PGM5: variants seen among roughly 807,000 people sequenced by gnomAD.
PGM5 encodes the protein phosphoglucomutase-like protein 5.
In PGM5, 23 loss-of-function variants were observed where a neutral mutation model predicts 59.2. The ratio of observed to expected loss-of-function variants is 0.39; its 90% confidence interval spans 0.28 to 0.55. The LOEUF is 0.55. PGM5 is among the 20% of genes least tolerant of loss of function. PGM5 has a pLI of 0.66. For synonymous variants in PGM5, 214 were observed against 286.0 expected (o/e 0.75, Z 2.54); for missense variants, 574 against 748.3 (o/e 0.77, Z 2.72).
intron 6 of PGM5, among the ~76,000 whole-genome samples, chr9:68,460,959 C>T (rs967664441): frequency 5.3e-5 from 8 of 152,122 alleles, no homozygotes; most frequent in Non-Finnish European, 1.0e-4. Context: ...ACGGAAGCTC[C>T]GCAGCAGGAA....
rs184082555 is a variant in PGM5 at position 68,452,692 on chromosome 9, C to T, written c.1044-12401C>T. Among the ~76,000 whole-genome samples, 204 of 152,330 alleles carry T rather than the reference C, an allele frequency of 1.3e-3. 2 individuals are homozygous for T. The highest frequency in any genetic ancestry group is 6.8e-3 in the Middle Eastern group (2 of 294). The stretch of plus-strand genomic sequence containing the variant: ...ACATGTCACTCAGATACCAAACAGA[C>T]GTACTGTCAGCCACATTCACTAGCC... On this transcript the variant is annotated intron_variant, in intron 6 of 10. Coordinates refer to ENST00000396396, the MANE Select transcript of PGM5 (RefSeq NM_021965.4).
chr9:68,478,999 T>C (rs1234725805), intron 7 of PGM5, among the ~76,000 whole-genome samples: 1 of 152,208 alleles, frequency 6.6e-6, no homozygotes, highest in Non-Finnish European at 1.5e-5. Flanking sequence ...TGTTCTCTTA[T>C]CTACTTTTCT....
At chr9:68,369,071 C>T (rs1264812040) in intron 1 of PGM5, among the ~76,000 whole-genome samples, 8 of 152,140 alleles carry the variant, frequency 5.3e-5, no homozygotes, top group Non-Finnish European at 8.8e-5. Context: ...AAACAATGGA[C>T]GACTATATCC....
intron 1 of PGM5, among the ~76,000 whole-genome samples, chr9:68,370,715 G>T (rs543958233): frequency 6.6e-6 from 1 of 152,370 alleles, no homozygotes; most frequent in African/African-American, 2.4e-5. Context: ...TTGGCACCTG[G>T]TATGCTCATT....
At chr9:68,515,287 T>C (rs906668374) in intron 10 of PGM5, among the ~76,000 whole-genome samples, 2 of 151,968 alleles carry the variant, frequency 1.3e-5, no homozygotes, top group African/African-American at 4.8e-5. Context: ...TGGGGAAGAG[T>C]CTCTCCTCGT....
rs182889946 is a variant in PGM5, at chr9:68,360,712, A to G, written c.261+3324A>G. Reference sequence around the variant, plus strand: ...GAACATAGATTGTAAACATTTTCCTATATTTGTGTCATGATTATTTTTTGC... The same window carrying G: ...GAACATAGATTGTAAACATTTTCCTGTATTTGTGTCATGATTATTTTTTGC... On this transcript the variant is annotated intron_variant, in intron 1 of 10. Coordinates refer to ENST00000396396, the MANE Select transcript of PGM5 (RefSeq NM_021965.4). Among the ~76,000 whole-genome samples the G allele has an allele frequency of 2.1e-3, 324 of 152,302 alleles. 2 individuals carry two copies. The highest frequency in any genetic ancestry group is 7.4e-3 in the African/African-American group (308 of 41,568).
intron 10 of PGM5, among the ~76,000 whole-genome samples, chr9:68,514,792 C>G (rs1258022343): frequency 6.6e-6 from 1 of 152,210 alleles, no homozygotes; most frequent in Non-Finnish European, 1.5e-5. Context: ...TGCCTGGCCT[C>G]TATTTCTTCC....
intron 3 of PGM5, among the ~76,000 whole-genome samples, chr9:68,385,618 A>G (rs1310762203): frequency 6.6e-6 from 1 of 151,998 alleles, no homozygotes; most frequent in East Asian, 1.9e-4. Flanking sequence ...GCATAGGCAT[A>G]TGTGTGCACA....
chr9:68,360,005 C>A (rs1254947907), intron 1 of PGM5, among the ~76,000 whole-genome samples: 9 of 152,166 alleles, frequency 5.9e-5, no homozygotes, highest in Admixed American at 3.9e-4. Context: ...CCACTATGCA[C>A]AGCTGATTTT....
chr9:68,487,461 CAT>C (rs1241141971), intron 9 of PGM5, among the ~76,000 whole-genome samples: 16 of 122,812 alleles, frequency 1.3e-4, no homozygotes, highest in Non-Finnish European at 2.2e-4. Context: ...GTCACACGCA[CAT>C]ACACACACAC....
At chr9:68,474,552 G>A (rs1177321558) in intron 7 of PGM5, among the ~76,000 whole-genome samples, 3 of 151,636 alleles carry the variant, frequency 2.0e-5, no homozygotes, top group African/African-American at 7.3e-5. Flanking sequence ...AGGGGGAACA[G>A]TGATATTTCT....
At chr9:68,377,728 C>T (rs1466101399) in intron 1 of PGM5, among the ~76,000 whole-genome samples, 1 of 152,248 alleles carries the variant, frequency 6.6e-6, no homozygotes, top group Non-Finnish European at 1.5e-5. Flanking sequence ...TTAAAATATG[C>T]CCACAGGTGA....
chr9:68,463,466 A>G (rs1823888384), intron 6 of PGM5, among the ~76,000 whole-genome samples: 1 of 152,106 alleles, frequency 6.6e-6, no homozygotes, highest in African/African-American at 2.4e-5. Context: ...TGAGATCTAC[A>G]TCCTTCATGA....
At chr9:68,362,866 T>A (rs1387046602) in intron 1 of PGM5, among the ~76,000 whole-genome samples, 3 of 41,462 alleles carry the variant, frequency 7.2e-5, no homozygotes, top group African/African-American at 2.6e-4. Context: ...TTTCTTTTTC[T>A]TTTTTTTTTT....
At chr9:68,442,369 C>G (rs1823543336) in intron 6 of PGM5, among the ~76,000 whole-genome samples, 1 of 152,142 alleles carries the variant, frequency 6.6e-6, no homozygotes, top group South Asian at 2.1e-4. Flanking sequence ...ACTGCAACCT[C>G]CACCTCCCAG....
chr9:68,490,445 C>T (rs1824372434), intron 9 of PGM5, among the ~76,000 whole-genome samples: 1 of 152,240 alleles, frequency 6.6e-6, no homozygotes, highest in East Asian at 1.9e-4. Context: ...ACCTCCACCT[C>T]CTGGGTTCAA....
At position 68,391,519 on chromosome 9, in the gene PGM5, T is replaced by C. The variant is rs781890920; in HGVS notation, c.698-15T>C. The C allele has an allele frequency of 6.2e-7, 1 of 1,612,590 alleles. No individual in the cohort carries two copies. Among genetic ancestry groups the C allele is most frequent in the South Asian group, 1.1e-5 (1 of 91,036 alleles). ...GTTCTGCAAATATTTAATATTGCTG[T>C]GTATCTATTTTTAGTTATGGGACCT... On this transcript the variant is annotated splice_polypyrimidine_tract_variant and intron_variant, in intron 4 of 10. Transcript: ENST00000396396.
intron 6 of PGM5, among the ~76,000 whole-genome samples, chr9:68,411,300 G>A (rs1260700077): frequency 6.6e-6 from 1 of 151,882 alleles, no homozygotes; most frequent in Non-Finnish European, 1.5e-5. Context: ...TGAGGCTGGA[G>A]GATTGCTTGA....
At chr9:68,380,194 G>A in intron 2 of PGM5, among the ~76,000 whole-genome samples, 2 of 151,878 alleles carry the variant, frequency 1.3e-5, no homozygotes, top group Admixed American at 6.6e-5. Context: ...CCATATGTTA[G>A]GCCACAAAAT....
Sources: allele counts gnomAD v4.1 joint callset (sites outside exome capture counted in the v4.1 genomes callset), GRCh38; gene constraint gnomAD v4.1.1; transcripts MANE v1.5; gene names NCBI Gene and HGNC (gene_info 2026-07-23, HGNC 2026-07-21).